Variants in RNGTT observed in about 807,000 individuals in gnomAD.
RNGTT encodes the protein RNA guanylyltransferase and 5'-phosphatase, also known as mRNA-capping enzyme.
Under a neutral mutation model 79.3 loss-of-function variants are expected in RNGTT, and 33 were observed. The ratio of observed to expected loss-of-function variants is 0.42; its 90% CI spans 0.32 to 0.56. The LOEUF is 0.56. Among genes scored for constraint, RNGTT ranks in the 20% least tolerant of loss-of-function variants. RNGTT has a pLI of 0.17. For synonymous variants in RNGTT, 222 were observed against 235.9 expected (o/e 0.94, Z 0.54); for missense variants, 497 against 739.1 (o/e 0.67, Z 3.80).
At chr6:88,930,381 G>A (rs913876435) in intron 2 of RNGTT, among the ~76,000 whole-genome samples, 1 of 151,788 alleles carries the variant, frequency 6.6e-6, no homozygotes, top group Non-Finnish European at 1.5e-5. Flanking sequence ...GGTAGTACGG[G>A]AAATTTGGCC....
chr6:88,920,634 A>G (rs1259815934), intron 4 of RNGTT, among the ~76,000 whole-genome samples: 2 of 152,206 alleles, frequency 1.3e-5, no homozygotes, highest in African/African-American at 4.8e-5. Context: ...GTGTTTTCTC[A>G]TTTGAGAGAA....
chr6:88,620,758 A>G (rs1364683197), intron 14 of RNGTT, among the ~76,000 whole-genome samples: 1 of 152,204 alleles, frequency 6.6e-6, no homozygotes, highest in East Asian at 1.9e-4. Flanking sequence ...AATATTTTAC[A>G]TTTTTAGGGA....
At chr6:88,767,591 A>G (rs2127840600) in intron 13 of RNGTT, among the ~76,000 whole-genome samples, 1 of 151,892 alleles carries the variant, frequency 6.6e-6, no homozygotes, top group South Asian at 2.1e-4. Context: ...CATTAAGAAA[A>G]ATAGAAGATT....
intron 11 of RNGTT, among the ~76,000 whole-genome samples, chr6:88,839,942 AAG>A (rs1034565616): frequency 6.6e-6 from 1 of 152,216 alleles, no homozygotes; most frequent in African/African-American, 2.4e-5. Context: ...AAACAAAACA[AAG>A]AGTTATAGAG....
intron 15 of RNGTT, 32 bp downstream of exon 15, chr6:88,614,240 T>C (rs779713795): frequency 6.2e-6 from 10 of 1,605,142 alleles, no homozygotes; most frequent in South Asian, 3.3e-5. Flanking sequence ...TTGTTTTAAA[T>C]ATAATAAGCA....
intron 6 of RNGTT, among the ~76,000 whole-genome samples, chr6:88,894,816 C>T (rs1783178697): frequency 6.6e-6 from 1 of 152,022 alleles, no homozygotes; most frequent in Non-Finnish European, 1.5e-5. Flanking sequence ...CCAGTAATCC[C>T]GGCACTTTGG....
At chr6:88,846,000 T>TA (rs202222998) in intron 10 of RNGTT, among the ~76,000 whole-genome samples, 247 of 142,880 alleles carry the variant, frequency 1.7e-3, no homozygotes, top group African/African-American at 3.9e-3. Flanking sequence ...TTTTATGTTC[T>TA]AAAAAAAAAA....
chr6:88,797,941 CAAAAAAAAAAA>C (rs143559265), intron 12 of RNGTT, among the ~76,000 whole-genome samples: 1 of 65,814 alleles, frequency 1.5e-5, no homozygotes, highest in African/African-American at 5.7e-5. Context: ...AAGCAAAAGC[CAAAAAAAAAAA>C]AAAAAAAAAG....
At chr6:88,949,808 G>C (rs1345457566) in intron 1 of RNGTT, among the ~76,000 whole-genome samples, 2 of 152,210 alleles carry the variant, frequency 1.3e-5, no homozygotes, top group Non-Finnish European at 2.9e-5. Context: ...GTAAAGTGCT[G>C]TTATGGAAGC....
chr6:88,652,935 G>T (rs1416636682), intron 14 of RNGTT, among the ~76,000 whole-genome samples: 1 of 152,134 alleles, frequency 6.6e-6, no homozygotes, highest in Non-Finnish European at 1.5e-5. Context: ...TTCGCTGAAG[G>T]AATGATTTTT....
intron 8 of RNGTT, among the ~76,000 whole-genome samples, chr6:88,884,017 T>C (rs1213409317): frequency 1.3e-5 from 2 of 152,168 alleles, no homozygotes; most frequent in Non-Finnish European, 2.9e-5. Context: ...AAGGCTGTGG[T>C]GGTACAGGCA....
At chr6:88,701,500 T>C (rs891440181) in intron 13 of RNGTT, among the ~76,000 whole-genome samples, 1 of 151,662 alleles carries the variant, frequency 6.6e-6, no homozygotes, top group African/African-American at 2.4e-5. Flanking sequence ...TTTCTGTAAA[T>C]TAGTACTGAT....
chr6:88,923,333 C>T (rs1784220235), intron 4 of RNGTT, among the ~76,000 whole-genome samples: 1 of 152,178 alleles, frequency 6.6e-6, no homozygotes. Context: ...CCATCTCTGA[C>T]TACTTCCTTA....
chr6:88,839,389 A>C (rs941395680), intron 11 of RNGTT, among the ~76,000 whole-genome samples: 2 of 152,122 alleles, frequency 1.3e-5, no homozygotes, highest in African/African-American at 4.8e-5. Flanking sequence ...TGGTCAATAC[A>C]GCAAAATCCC....
At chr6:88,757,837 A>G (rs1319135768) in intron 13 of RNGTT, among the ~76,000 whole-genome samples, 1 of 152,190 alleles carries the variant, frequency 6.6e-6, no homozygotes, top group African/African-American at 2.4e-5. Context: ...ATGTAGCTAA[A>G]TTTTTTGAAA....
At chr6:88,887,569 C>G (rs746020544) in intron 8 of RNGTT, among the ~76,000 whole-genome samples, 10 of 152,052 alleles carry the variant, frequency 6.6e-5, no homozygotes, top group African/African-American at 2.4e-5. Context: ...TTTGGTGGAG[C>G]CTGGTTCTAG....
intron 14 of RNGTT, among the ~76,000 whole-genome samples, chr6:88,629,425 G>A (rs1772759933): frequency 1.3e-5 from 2 of 152,248 alleles, no homozygotes; most frequent in South Asian, 4.2e-4. Flanking sequence ...AGAAGTATCT[G>A]ATTGCCTGAT....
At chr6:88,726,935 A>G (rs1159868776) in intron 13 of RNGTT, among the ~76,000 whole-genome samples, 1 of 151,826 alleles carries the variant, frequency 6.6e-6, no homozygotes, top group Admixed American at 6.6e-5. Flanking sequence ...TAGACGGTCT[A>G]GTCCACAGAC....
At chr6:88,841,899 C>T (rs921166409) in intron 11 of RNGTT, among the ~76,000 whole-genome samples, 1 of 152,176 alleles carries the variant, frequency 6.6e-6, no homozygotes, top group Non-Finnish European at 1.5e-5. Context: ...TCTAAAACTT[C>T]TAAAACATTT....
Sources: gnomAD v4.1 joint callset for allele counts (sites outside exome capture counted in the v4.1 genomes callset) on GRCh38, gnomAD v4.1.1 for gene constraint, MANE v1.5 for transcripts, NCBI Gene and HGNC (gene_info 2026-07-23, HGNC 2026-07-21) for gene names.